SYNGR2: variants seen among roughly 807,000 people sequenced by gnomAD.
SYNGR2 encodes the protein synaptogyrin 2, also known as synaptogyrin-2.
A neutral mutation model predicts 18.7 loss-of-function variants in SYNGR2; 11 were observed. The observed-to-expected ratio is 0.59, with a 90% confidence interval of 0.37 to 0.97. The LOEUF (loss-of-function observed/expected upper bound fraction) is 0.97. SYNGR2 is among the 50% of genes least tolerant of loss of function. SYNGR2 has a pLI of 0.01. For missense variants in SYNGR2, 253 were observed against 300.7 expected (o/e 0.84, Z 1.17); for synonymous variants, 127 against 131.0 (o/e 0.97, Z 0.21).
Position 78,170,944 on chromosome 17 carries a change from T to C in SYNGR2, c.227T>C (p.Val76Ala). The change falls in exon 2 of 4, where the codon GTG becomes GCG. Residue 76 changes from valine to alanine, a missense_variant. Transcript: ENST00000225777. ...DACRYGSAIGVLAFLASAFFL... is the reference protein window; with the variant it reads ...DACRYGSAIGALAFLASAFFL... ...TGCCGCTATGGCAGTGCCATCGGGG[T>C]GCTGGCCTTCCTGGCCTCGGCCTTC... 6.2e-7 allele frequency: 1 copy of C among 1,613,332 alleles called. No individual in the cohort carries two copies. The highest frequency in any genetic ancestry group is 8.5e-7 in the Non-Finnish European group (1 of 1,180,024).
At chr17:78,168,552 G>A (rs1208717714), upstream of SYNGR2, 1 of 1,048,454 alleles carries the variant, frequency 9.5e-7, no homozygotes, top group African/African-American at 1.7e-5. Context: ...GGCGGGTGGA[G>A]TCGGGCGGGG....
intron 1 of SYNGR2, 183 bp from the exon 2 acceptor site, chr17:78,170,634 G>A (rs760158082): frequency 9.2e-6 from 6 of 655,108 alleles, no homozygotes; most frequent in South Asian, 5.2e-5. Flanking sequence ...GCAGTGAGCC[G>A]AGATCGCACT....
In SYNGR2 at chr17:78,171,818, C is replaced by T. The variant is rs377433324; in HGVS notation, c.557C>T (p.Pro186Leu). The T allele has an allele frequency of 3.2e-5, 52 of 1,614,000 alleles. No homozygotes were observed. The highest frequency in any genetic ancestry group is 1.3e-4 in the Admixed American group (8 of 60,006). ...ATCCAGAATTACGTTGACCCCACTCCGGACCCCAACACTGCCTACGCCTCC... is the reference window on the plus strand; with the variant it reads ...ATCCAGAATTACGTTGACCCCACTCTGGACCCCAACACTGCCTACGCCTCC... The part of the protein sequence containing the change: ...DFIQNYVDPT[P>L]DPNTAYASYP... Residue 186 changes from proline to leucine, a missense_variant, in exon 4 of 4, where the codon CCG becomes CTG. Pro to Leu is a moderately conservative substitution (Grantham distance 98, BLOSUM62 -3). Transcript: ENST00000225777. This position sits in a 1 kb window ranked among gnomAD's most constrained non-coding sequence, Gnocchi z 6.6.
rs1371414328 is a variant in SYNGR2, at chr17:78,172,185, T to A, written c.*249T>A. ...TTAGGAAAGGGTTTTTAGCTAGTGT[T>A]TTTCCTCGCTTTTAATGACCTCAGC... On this transcript the variant is annotated 3_prime_UTR_variant, in exon 4 of 4. Coordinates refer to ENST00000225777, the MANE Select transcript of SYNGR2 (RefSeq NM_004710.7). The A allele has an allele frequency of 4.8e-6, 4 of 840,378 alleles. No homozygotes were observed. Among genetic ancestry groups the A allele is most frequent in the Non-Finnish European group, 7.1e-6 (4 of 562,036 alleles). 52.1% of individuals were successfully genotyped at this position (840,378 alleles called of 1,614,324 possible).
Position 78,168,730 on chromosome 17 carries a change from G to C in SYNGR2, c.99+15G>C. The C allele has an allele frequency of 8.4e-7, 1 of 1,195,176 alleles. No homozygotes were observed. The highest frequency in any genetic ancestry group is 3.5e-5 in the East Asian group (1 of 28,304). 74.0% of individuals were successfully genotyped at this position (1,195,176 alleles called of 1,614,324 possible). A position where few individuals can be genotyped will look rare whatever the true frequency, so the allele number is the denominator to read the frequency against. On this transcript the variant is annotated intron_variant, in intron 1 of 3. Coordinates refer to ENST00000225777, the MANE Select transcript of SYNGR2 (RefSeq NM_004710.7). ...CCGTGTGCTTGGTGAGCCCGGGGAG[G>C]GCGGGCCGAGGGCACCCTGGGGACC...
rs1286294370 is a variant in SYNGR2, at chr17:78,168,754, C to A, written c.99+39C>A. The A allele has an allele frequency of 3.4e-5, 40 of 1,187,024 alleles. 1 individual carries two copies. Among genetic ancestry groups the A allele is most frequent in the Non-Finnish European group, 4.1e-5 (39 of 959,344 alleles). 73.5% of individuals were successfully genotyped at this position (1,187,024 alleles called of 1,614,324 possible). On this transcript the variant is annotated intron_variant, in intron 1 of 3. Transcript: ENST00000225777. ...GGGCGGGCCGAGGGCACCCTGGGGA[C>A]CCCCTCTCCGTCGCCAGGCCCGGCG... is the stretch of plus-strand genomic sequence containing the variant.
rs1199152774 is a variant in SYNGR2, at chr17:78,169,265, T to TGGGGGG, written c.99+551_99+552insGGGGGG. 4.3e-5 allele frequency: 3 copies of TGGGGGG among 69,092 alleles called. 1 individual carries two copies. In the African/African-American group the frequency reaches 5.4e-4, roughly 12 times the overall value. 4.3% of individuals were successfully genotyped at this position (69,092 alleles called of 1,614,324 possible). A position where few individuals can be genotyped will look rare whatever the true frequency, so the allele number is the denominator to read the frequency against. On this transcript the variant is annotated intron_variant, in intron 1 of 3. Transcript: ENST00000225777. ...CCTCCAAAACCAGGTTTTGTGTGTG[T>TGGGGGG]GTGTGTGTGGCGGGGAGGGGGCCTG...
rs975810677 is a variant in SYNGR2 at position 78,171,439 on chromosome 17, G to A, written c.338-71G>A. 21 of 1,499,196 alleles carry A rather than the reference G, an allele frequency of 1.4e-5. No homozygotes were observed. The highest frequency in any genetic ancestry group is 4.2e-5 in the African/African-American group (3 of 71,222). The allele number at this position is 1,499,196 out of a possible 1,614,324, so 92.9% of individuals were successfully genotyped here. A position where few individuals can be genotyped will look rare whatever the true frequency, so the allele number is the denominator to read the frequency against. On this transcript the variant is annotated intron_variant, in intron 2 of 3. Coordinates refer to ENST00000225777, the MANE Select transcript of SYNGR2 (RefSeq NM_004710.7). This position sits in a 1 kb window ranked among gnomAD's most constrained non-coding sequence, Gnocchi z 6.6. ...CGGGAGGTCCCTGCCCTACCTGCCC[G>A]CGTCCCCTCCCAGAGTCCTGGAAAG...
At position 78,171,439 on chromosome 17, in the gene SYNGR2, GCGTCCCCT is replaced by G; in HGVS notation, c.338-69_338-62del. The G allele has an allele frequency of 6.7e-7, 1 of 1,499,314 alleles. No individual in the cohort carries two copies. Among genetic ancestry groups the G allele is most frequent in the Non-Finnish European group, 8.9e-7 (1 of 1,122,926 alleles). The allele number at this position is 1,499,314 out of a possible 1,614,324, so 92.9% of individuals were successfully genotyped here. On this transcript the variant is annotated intron_variant, in intron 2 of 3. Transcript: ENST00000225777. The surrounding 1 kb of genome is among the most constrained non-coding windows in gnomAD (Gnocchi z 6.6). ...CGGGAGGTCCCTGCCCTACCTGCCCGCGTCCCCTCCCAGAGTCCTGGAAAGCCCCTCCC... is the reference window on the plus strand; with the variant it reads ...CGGGAGGTCCCTGCCCTACCTGCCCGCCCAGAGTCCTGGAAAGCCCCTCCC...
chr17:78,170,757 C>T (rs539583180), intron 1 of SYNGR2, 60 bp from the exon 2 acceptor site: 5 of 1,459,498 alleles, frequency 3.4e-6, no homozygotes, highest in Admixed American at 3.4e-5. Context: ...CCATCAGGGT[C>T]CCCGCTGTGT....
chr17:78,169,264 GTGT>G (rs2075641379), intron 1 of SYNGR2: 6 of 124,548 alleles, frequency 4.8e-5, no homozygotes, highest in African/African-American at 1.8e-4. Context: ...TTTTGTGTGT[GTGT>G]GTGTGTGGCG....
At chr17:78,168,822 CCGGGGCCTGGCGGCGAG>C in intron 1 of SYNGR2, 107 bp downstream of exon 1, 1 of 996,638 alleles carries the variant, frequency 1.0e-6, no homozygotes, top group Non-Finnish European at 1.3e-6. Flanking sequence ...GCGGCCGCGT[CCGGGGCCTGGCGGCGAG>C]CGGGGCCGGC....
chr17:78,171,037 G>C lies in SYNGR2; in HGVS notation c.320G>C (p.Gly107Ala). The change falls in exon 2 of 4, where the codon GGT becomes GCT. Residue 107 changes from glycine to alanine, a missense_variant. Coordinates refer to ENST00000225777, the MANE Select transcript of SYNGR2 (RefSeq NM_004710.7). The surrounding 1 kb of genome is among the most constrained non-coding windows in gnomAD (Gnocchi z 6.6). ...ACTGACCGCAAGTACCTGGTCATTGGTGACCTGCTCTTCTCAGGTATCTGC... is the reference window on the plus strand; with the variant it reads ...ACTGACCGCAAGTACCTGGTCATTGCTGACCTGCTCTTCTCAGGTATCTGC... ...NATDRKYLVI[G>A]DLLFSALWTF... 1 of 1,613,178 alleles carries C rather than the reference G, an allele frequency of 6.2e-7. No individual in the cohort carries two copies. The highest frequency in any genetic ancestry group is 8.5e-7 in the Non-Finnish European group (1 of 1,179,968).
At position 78,171,269 on chromosome 17, in the gene SYNGR2, C is replaced by G; in HGVS notation, c.337+215C>G. 3 of 662,052 alleles carry G rather than the reference C, an allele frequency of 4.5e-6. No homozygotes were observed. The highest frequency in any genetic ancestry group is 3.9e-5 in the South Asian group (2 of 51,562). 41.0% of individuals were successfully genotyped at this position (662,052 alleles called of 1,614,324 possible). On this transcript the variant is annotated intron_variant, in intron 2 of 3. Transcript: ENST00000225777. This position sits in a 1 kb window ranked among gnomAD's most constrained non-coding sequence, Gnocchi z 6.6. ...AAGCTGAGTGGACCTGCAGCACACC[C>G]GAGCAGATGGGCTTTGCCTCTGCCC...
chr17:78,171,099 A>T lies in SYNGR2; in HGVS notation c.337+45A>T. The stretch of plus-strand genomic sequence containing the variant: ...CCATTTGATCTTGGGGGAGGCATTA[A>T]CTCTAGGGTTCCGCAGCTGGGAGGG... On this transcript the variant is annotated intron_variant, in intron 2 of 3. Transcript: ENST00000225777. This position sits in a 1 kb window ranked among gnomAD's most constrained non-coding sequence, Gnocchi z 6.6. The T allele has an allele frequency of 6.3e-7, 1 of 1,575,248 alleles. No individual in the cohort carries two copies.
Position 78,171,134 on chromosome 17 carries a change from C to G in SYNGR2, c.337+80C>G. The G allele has an allele frequency of 7.2e-7, 1 of 1,390,462 alleles. No homozygotes were observed. The highest frequency in any genetic ancestry group is 1.0e-6 in the Non-Finnish European group (1 of 999,568). The allele number at this position is 1,390,462 out of a possible 1,614,324, so 86.1% of individuals were successfully genotyped here. On this transcript the variant is annotated intron_variant, in intron 2 of 3. Coordinates refer to ENST00000225777, the MANE Select transcript of SYNGR2 (RefSeq NM_004710.7). The surrounding 1 kb of genome is among the most constrained non-coding windows in gnomAD (Gnocchi z 6.6). ...TCCGCAGCTGGGAGGGTCTCGGCCT[C>G]TCTGGGAGGGGCAGGGAGCAGCTCA...
intron 1 of SYNGR2, 146 bp downstream of exon 1, chr17:78,168,861 C>T: frequency 6.3e-6 from 4 of 639,766 alleles, no homozygotes; most frequent in Non-Finnish European, 8.4e-6. Flanking sequence ...TCCAGCGTCC[C>T]GGGCCCCGCC....
In SYNGR2 at chr17:78,168,631, C is replaced by G; in HGVS notation, c.15C>G (p.Ala5=). ...GCGACGGCGACATGGAGAGCGGGGC[C>G]TACGGCGCGGCCAAGGCGGGCGGCT... The part of the protein sequence containing the change: MESG[A]YGAAKAGGSF... The change falls in exon 1 of 4, where the codon GCC becomes GCG. Residue 5 remains alanine, a synonymous_variant. Transcript: ENST00000225777. The G allele has an allele frequency of 8.3e-7, 1 of 1,204,570 alleles. No homozygotes were observed. Among genetic ancestry groups the G allele is most frequent in the Non-Finnish European group, 1.0e-6 (1 of 970,424 alleles). 74.6% of individuals were successfully genotyped at this position (1,204,570 alleles called of 1,614,324 possible).
At position 78,172,473 on chromosome 17, in the gene SYNGR2, G is replaced by T; in HGVS notation, c.*537G>T. On this transcript the variant is annotated 3_prime_UTR_variant, in exon 4 of 4. Transcript: ENST00000225777. The stretch of plus-strand genomic sequence containing the variant: ...CGGTGGCCTCTGGGCTGCCTCCCGT[G>T]GTGTGAGGGCGGGGCTGGTGCTCAT... The T allele has an allele frequency of 6.0e-6, 1 of 165,590 alleles. No homozygotes were observed. The allele number at this position is 165,590 out of a possible 1,614,324, so 10.3% of individuals were successfully genotyped here.
Sources: gnomAD v4.1 joint callset for allele counts on GRCh38, gnomAD v4.1.1 for gene constraint, Gnocchi (gnomAD v3.1) non-coding constraint, MANE v1.5 for transcripts, NCBI Gene and HGNC (gene_info 2026-07-23, HGNC 2026-07-21) for gene names.